ERC2: variants seen among roughly 807,000 people sequenced by gnomAD.
The protein encoded by ERC2 is ERC protein 2.
In ERC2, 42 loss-of-function variants were observed where a neutral mutation model predicts 114.8. The observed-to-expected ratio is 0.37, with a 90% CI of 0.29 to 0.47. The LOEUF (loss-of-function observed/expected upper bound fraction) is 0.47. Ranked by LOEUF, ERC2 falls within the 20% of genes least tolerant of loss-of-function variation. The pLI, the probability that ERC2 is intolerant of heterozygous loss-of-function variation, is 0.99. For synonymous variants in ERC2, 454 were observed against 425.5 expected (o/e 1.07, Z -0.82); for missense variants, 939 against 1,150.7 (o/e 0.82, Z 2.66).
chr3:56,459,290 G>T (rs1410786394), intron 1 of ERC2, among the ~76,000 whole-genome samples: 1 of 152,116 alleles, frequency 6.6e-6, no homozygotes, highest in Non-Finnish European at 1.5e-5. Flanking sequence ...ATCTTTCACG[G>T]TTTGCATAAG....
Position 55,958,225 on chromosome 3 carries a change from C to T in ERC2, c.2268-7665G>A, listed in dbSNP as rs556867630. Reference sequence around the variant, plus strand: ...TCCTGGCTACTCGTGGCAGGTAGCTCCTATCCACAGGCAGGTTGTCCTGAA... The same window carrying T: ...TCCTGGCTACTCGTGGCAGGTAGCTTCTATCCACAGGCAGGTTGTCCTGAA... On this transcript the variant is annotated intron_variant, in intron 12 of 17. Transcript: ENST00000288221. Among the ~76,000 whole-genome samples the T allele has an allele frequency of 1.4e-3, 217 of 152,274 alleles. 1 individual carries two copies. The highest frequency in any genetic ancestry group is 3.8e-3 in the Admixed American group (58 of 15,298).
chr3:55,875,878 T>C (rs985655530), intron 14 of ERC2, among the ~76,000 whole-genome samples: 14 of 149,796 alleles, frequency 9.3e-5, no homozygotes, highest in African/African-American at 3.2e-4. Flanking sequence ...AGAACAGGGA[T>C]AGGAAAGGGG....
At chr3:56,025,560 A>T (rs1451107756) in intron 7 of ERC2, among the ~76,000 whole-genome samples, 1 of 152,138 alleles carries the variant, frequency 6.6e-6, no homozygotes, top group South Asian at 2.1e-4. Flanking sequence ...CTCCCTCTTT[A>T]AAACCAGCAA....
intron 3 of ERC2, among the ~76,000 whole-genome samples, chr3:56,174,398 G>T (rs188801007): frequency 6.6e-6 from 1 of 152,152 alleles, no homozygotes; most frequent in Admixed American, 6.5e-5. Flanking sequence ...TTAGGAGAGT[G>T]AGCAATGGCA....
intron 4 of ERC2, among the ~76,000 whole-genome samples, chr3:56,161,250 G>A (rs567167829): frequency 2.6e-4 from 39 of 152,148 alleles, no homozygotes; most frequent in Non-Finnish European, 4.1e-4. Context: ...CTGAGCAGTT[G>A]TTGTTGCCAT....
intron 6 of ERC2, among the ~76,000 whole-genome samples, chr3:56,107,264 T>TC (rs200566819): frequency 0.047 from 4,404 of 93,192 alleles, 181 homozygotes; most frequent in African/African-American, 0.15. Flanking sequence ...TAAATCCACT[T>TC]TTTTTTTTTT....
At chr3:56,222,522 G>A (rs748715198) in intron 3 of ERC2, among the ~76,000 whole-genome samples, 1 of 152,062 alleles carries the variant, frequency 6.6e-6, no homozygotes, top group Admixed American at 6.6e-5. Context: ...TTGTCTGACT[G>A]TTTAAAATAA....
chr3:56,278,226 T>A (rs1253680841), intron 3 of ERC2, among the ~76,000 whole-genome samples: 3 of 152,172 alleles, frequency 2.0e-5, no homozygotes, highest in Admixed American at 2.0e-4. Flanking sequence ...TCAACAGTAT[T>A]CAATAAAATG....
At chr3:56,191,606 G>A (rs2047789222) in intron 3 of ERC2, among the ~76,000 whole-genome samples, 1 of 152,080 alleles carries the variant, frequency 6.6e-6, no homozygotes. Flanking sequence ...AGATGGGCAG[G>A]TAGATGAAAT....
intron 6 of ERC2, among the ~76,000 whole-genome samples, chr3:56,108,982 TA>T (rs2078815586): frequency 6.6e-6 from 1 of 152,196 alleles, no homozygotes. Flanking sequence ...GAAATTAACT[TA>T]AATTCATGCT....
chr3:56,289,677 CA>C (rs2054955001), intron 3 of ERC2, among the ~76,000 whole-genome samples: 1 of 152,198 alleles, frequency 6.6e-6, no homozygotes, highest in Non-Finnish European at 1.5e-5. Context: ...GCTTTCCCAC[CA>C]ACCCCATGTG....
intron 2 of ERC2, among the ~76,000 whole-genome samples, chr3:56,322,399 T>C (rs1329987793): frequency 6.6e-6 from 1 of 152,126 alleles, no homozygotes; most frequent in East Asian, 1.9e-4. Flanking sequence ...TCTCCACCCC[T>C]TGAATTGGGA....
chr3:56,266,498 T>C (rs554075321), intron 3 of ERC2, among the ~76,000 whole-genome samples: 4 of 152,254 alleles, frequency 2.6e-5, no homozygotes, highest in African/African-American at 7.2e-5. Flanking sequence ...AAAAATAGTC[T>C]TCAGGTTTAT....
At chr3:55,981,923 G>T (rs1216798391) in intron 12 of ERC2, among the ~76,000 whole-genome samples, 3 of 152,162 alleles carry the variant, frequency 2.0e-5, no homozygotes, top group African/African-American at 7.2e-5. Context: ...GAGCATGACT[G>T]CCGCCTCCCA....
intron 17 of ERC2, among the ~76,000 whole-genome samples, chr3:55,521,858 TG>T (rs1195260938): frequency 3.3e-5 from 5 of 152,208 alleles, no homozygotes; most frequent in Non-Finnish European, 7.3e-5. Context: ...CACGCTGGCC[TG>T]GGTCGGTTGT....
intron 17 of ERC2, among the ~76,000 whole-genome samples, chr3:55,598,934 AC>A (rs1349952218): frequency 1.3e-5 from 2 of 152,236 alleles, no homozygotes; most frequent in Non-Finnish European, 2.9e-5. Context: ...ATCTGTCCCA[AC>A]ACTGTAGCCA....
At chr3:55,606,068 T>C (rs1311494137) in intron 17 of ERC2, among the ~76,000 whole-genome samples, 1 of 152,184 alleles carries the variant, frequency 6.6e-6, no homozygotes, top group Non-Finnish European at 1.5e-5. Context: ...GTGGGTTTAT[T>C]CTTTTCTGCC....
At chr3:55,871,429 T>TGAATTAA (rs2062578490) in intron 14 of ERC2, among the ~76,000 whole-genome samples, 1 of 152,192 alleles carries the variant, frequency 6.6e-6, no homozygotes, top group Non-Finnish European at 1.5e-5. Context: ...TTAATTTCCC[T>TGAATTAA]ACAAAGAAGG....
intron 17 of ERC2, among the ~76,000 whole-genome samples, chr3:55,619,891 A>G (rs545801416): frequency 1.3e-5 from 2 of 152,342 alleles, no homozygotes; most frequent in African/African-American, 4.8e-5. Context: ...AATCTAGGAT[A>G]AACTTCATCT....
Sources: gnomAD v4.1 joint callset for allele counts (sites outside exome capture counted in the v4.1 genomes callset) on GRCh38, gnomAD v4.1.1 for gene constraint, MANE v1.5 for transcripts, NCBI Gene and HGNC (gene_info 2026-07-23, HGNC 2026-07-21) for gene names.